The following GIPC2 variants were observed in gnomAD, a reference collection of about 807,000 sequenced individuals.
GIPC2 encodes GIPC PDZ domain containing family member 2.
A neutral mutation model predicts 30.6 loss-of-function variants in GIPC2; 30 were observed. The ratio of observed to expected loss-of-function variants is 0.98; its 90% CI spans 0.73 to 1.33. GIPC2 has a LOEUF of 1.33. GIPC2 is among the 40% of genes most tolerant of loss of function. GIPC2 has a pLI of 0.00. For synonymous variants in GIPC2, 167 were observed against 150.0 expected (o/e 1.11, Z -0.83); for missense variants, 414 against 390.3 (o/e 1.06, Z -0.51).
intron 1 of GIPC2, among the ~76,000 whole-genome samples, chr1:78,078,836 C>T (rs550745162): frequency 8.3e-4 from 99 of 119,894 alleles, no homozygotes; most frequent in Non-Finnish European, 1.3e-3. Flanking sequence ...ACAGATTCAC[C>T]GGAAAAAAAA....
At chr1:78,078,845 A>C (rs1345638282) in intron 1 of GIPC2, among the ~76,000 whole-genome samples, 1 of 151,324 alleles carries the variant, frequency 6.6e-6, no homozygotes, top group African/African-American at 2.4e-5. Flanking sequence ...CCGGAAAAAA[A>C]AAAAAAAAAA....
At chr1:78,092,471 A>G (rs979183890) in intron 2 of GIPC2, among the ~76,000 whole-genome samples, 3 of 152,248 alleles carry the variant, frequency 2.0e-5, no homozygotes, top group African/African-American at 7.2e-5. Flanking sequence ...AACTCAGTAA[A>G]TAAAGTATAG....
chr1:78,068,076 C>A (rs1661552758), intron 1 of GIPC2, among the ~76,000 whole-genome samples: 1 of 152,050 alleles, frequency 6.6e-6, no homozygotes, highest in South Asian at 2.1e-4. Flanking sequence ...GGCAATAATA[C>A]AATTTATTCA....
intron 1 of GIPC2, among the ~76,000 whole-genome samples, chr1:78,064,742 C>CTTTTTTTT (rs11327469): frequency 9.4e-6 from 1 of 106,714 alleles, no homozygotes; most frequent in Non-Finnish European, 1.9e-5. Flanking sequence ...CTCATGCAAC[C>CTTTTTTTT]TTTTTTTTTT....
chr1:78,058,733 G>C (rs1661340345), intron 1 of GIPC2, among the ~76,000 whole-genome samples: 1 of 152,058 alleles, frequency 6.6e-6, no homozygotes, highest in South Asian at 2.1e-4. Context: ...CAAGAATCTT[G>C]GTGTTTATTA....
At chr1:78,100,711 C>G (rs1266642294) in intron 3 of GIPC2, among the ~76,000 whole-genome samples, 1 of 152,068 alleles carries the variant, frequency 6.6e-6, no homozygotes, top group Admixed American at 6.5e-5. Context: ...GGGAGGGTCA[C>G]TTGAGGTCGG....
At chr1:78,046,469 G>A (rs1661089516) in intron 1 of GIPC2, 135 bp downstream of exon 1, 2 of 761,004 alleles carry the variant, frequency 2.6e-6, no homozygotes, top group Admixed American at 5.3e-5. Context: ...GTCCGCCGGG[G>A]GCGTCCCGGG....
At chr1:78,125,801 A>G (rs1238062342) in intron 4 of GIPC2, 80 bp from the exon 5 acceptor site, 1 of 754,660 alleles carries the variant, frequency 1.3e-6, no homozygotes, top group Non-Finnish European at 2.4e-6. Flanking sequence ...CCGGCTCCAC[A>G]TCAGGCTTTC....
chr1:78,045,633 GTTGACT>G, upstream of GIPC2: 1 of 985,464 alleles, frequency 1.0e-6, no homozygotes, highest in African/African-American at 1.7e-5. Flanking sequence ...GCAGACGAAG[GTTGACT>G]TCTACTTAAA....
intron 2 of GIPC2, among the ~76,000 whole-genome samples, chr1:78,083,420 C>T (rs532363806): frequency 2.8e-4 from 42 of 152,238 alleles, no homozygotes; most frequent in African/African-American, 8.4e-4. Flanking sequence ...GTGAGATTAA[C>T]TTTTGTCACT....
intron 3 of GIPC2, chr1:78,112,535 A>G: frequency 1.9e-6 from 1 of 518,990 alleles, no homozygotes; most frequent in South Asian, 1.4e-5. Context: ...TCCATACTCC[A>G]GGCCAACCAG....
In GIPC2 at chr1:78,119,270, C is replaced by T. The variant is rs150748555; in HGVS notation, c.608-123C>T. On this transcript the variant is annotated intron_variant, in intron 3 of 5. Coordinates refer to ENST00000370759, the MANE Select transcript of GIPC2 (RefSeq NM_017655.6). Reference sequence around the variant, plus strand: ...TCGGGAAATTCTATAAGAAGGCCTACGTTTTATCAAATTTCTATAACAATT... The same window carrying T: ...TCGGGAAATTCTATAAGAAGGCCTATGTTTTATCAAATTTCTATAACAATT... The T allele has an allele frequency of 1.8e-3, 1,025 of 580,664 alleles. 10 individuals carry two copies. The highest frequency in any genetic ancestry group is 0.016 in the African/African-American group (865 of 53,646). The allele number at this position is 580,664 out of a possible 1,614,324, so 36.0% of individuals were successfully genotyped here.
intron 3 of GIPC2, among the ~76,000 whole-genome samples, chr1:78,117,215 CCT>C (rs1360803682): frequency 6.6e-6 from 1 of 152,164 alleles, no homozygotes; most frequent in Non-Finnish European, 1.5e-5. Context: ...AGACATATTG[CCT>C]AGGTTCTAAG....
intron 1 of GIPC2, among the ~76,000 whole-genome samples, chr1:78,077,970 C>T (rs1443412103): frequency 1.3e-5 from 2 of 151,808 alleles, no homozygotes; most frequent in Non-Finnish European, 2.9e-5. Context: ...GGGCGGATCA[C>T]GAGGTCAGGA....
At chr1:78,097,924 C>T (rs1256287210) in intron 3 of GIPC2, among the ~76,000 whole-genome samples, 2 of 152,102 alleles carry the variant, frequency 1.3e-5, no homozygotes, top group Non-Finnish European at 2.9e-5. Context: ...GGTCTTGTAC[C>T]CATCTTGATA....
At chr1:78,131,766 A>T (rs1398468353) in intron 5 of GIPC2, among the ~76,000 whole-genome samples, 5 of 152,242 alleles carry the variant, frequency 3.3e-5, no homozygotes, top group Non-Finnish European at 5.9e-5. Context: ...GAAATAAAAT[A>T]AAAAAGCGAT....
chr1:78,129,314 T>C (rs1463231524), intron 5 of GIPC2, among the ~76,000 whole-genome samples: 1 of 152,212 alleles, frequency 6.6e-6, no homozygotes, highest in Admixed American at 6.5e-5. Flanking sequence ...TAGCATGAAA[T>C]ATAAATCACA....
At chr1:78,128,343 G>A (rs1297275241) in intron 5 of GIPC2, among the ~76,000 whole-genome samples, 2 of 152,158 alleles carry the variant, frequency 1.3e-5, no homozygotes, top group African/African-American at 2.4e-5. Context: ...TCAGTCTCCT[G>A]TTTTGAAATT....
At chr1:78,060,547 C>T (rs1661373011) in intron 1 of GIPC2, among the ~76,000 whole-genome samples, 1 of 152,144 alleles carries the variant, frequency 6.6e-6, no homozygotes, top group Non-Finnish European at 1.5e-5. Flanking sequence ...ATGAGGGCAT[C>T]CATAATGTTT....
Sources: allele counts gnomAD v4.1 joint callset (sites outside exome capture counted in the v4.1 genomes callset), GRCh38; gene constraint gnomAD v4.1.1; transcripts MANE v1.5; gene names NCBI Gene and HGNC (gene_info 2026-07-23, HGNC 2026-07-21).